HEATR5A: variants seen among roughly 807,000 people sequenced by gnomAD.
HEATR5A encodes the protein HEAT repeat containing 5A, also known as HEAT repeat-containing protein 5A.
Under a neutral mutation model 218.8 loss-of-function variants are expected in HEATR5A, and 178 were observed. The ratio of observed to expected loss-of-function variants is 0.81; its 90% CI spans 0.72 to 0.92. The LOEUF is 0.92. HEATR5A is among the 40% of genes least tolerant of loss of function. The pLI, the probability that HEATR5A is intolerant of heterozygous loss-of-function variation, is 0.00. For missense variants in HEATR5A, 2,420 were observed against 2,418.9 expected (o/e 1.00, Z -0.01); for synonymous variants, 864 against 871.6 (o/e 0.99, Z 0.15).
At chr14:31,339,629 G>A (rs1339840012) in intron 21 of HEATR5A, among the ~76,000 whole-genome samples, 7 of 151,946 alleles carry the variant, frequency 4.6e-5, no homozygotes, top group Non-Finnish European at 1.0e-4. Context: ...TGTTACCCAG[G>A]ATAGAGTGCT....
At position 31,294,109 on chromosome 14, in the gene HEATR5A, T is replaced by C; in HGVS notation, c.5620-5A>G. The C allele has an allele frequency of 6.4e-7, 1 of 1,550,598 alleles. No individual in the cohort carries two copies. The highest frequency in any genetic ancestry group is 8.8e-7 in the Non-Finnish European group (1 of 1,138,612). Reference sequence around the variant, plus strand: ...CTGGTAGGTCTTGATTTGTACCTAATAAGGTAAGAGAAAAGAATAGCAAAT... The same window carrying C: ...CTGGTAGGTCTTGATTTGTACCTAACAAGGTAAGAGAAAAGAATAGCAAAT... On this transcript the variant is annotated splice_polypyrimidine_tract_variant and splice_region_variant and intron_variant, in intron 34 of 35. Transcript: ENST00000543095.
intron 32 of HEATR5A, 94 bp from the exon 33 acceptor site, chr14:31,302,613 T>A: frequency 1.2e-6 from 1 of 818,896 alleles, no homozygotes. Flanking sequence ...ATGTCAGATT[T>A]TCAGTTTTTA....
At position 31,386,442 on chromosome 14, in the gene HEATR5A, A is replaced by C. The variant is rs760449411; in HGVS notation, c.1323T>G (p.Pro441=). The stretch of plus-strand genomic sequence containing the variant: ...TACCTGTACTTGAATCCTGTAGCAA[A>C]GGTGCCGCTGTGGTGCCAAGATTGT... ...LIHNLGTTAA[P]LLQDSSTGLL... Residue 441 remains proline, a synonymous_variant, in exon 9 of 36, where the codon CCT becomes CCG. Coordinates refer to ENST00000543095, the MANE Select transcript of HEATR5A (RefSeq NM_015473.4). 1 of 1,613,842 alleles carries C rather than the reference A, an allele frequency of 6.2e-7. No individual in the cohort carries two copies. The highest frequency in any genetic ancestry group is 2.2e-5 in the East Asian group (1 of 44,868).
intron 23 of HEATR5A, among the ~76,000 whole-genome samples, chr14:31,325,365 T>G (rs1177154139): frequency 6.6e-6 from 1 of 152,172 alleles, no homozygotes; most frequent in Admixed American, 6.6e-5. Context: ...TACTTGAAAT[T>G]AACATTATTG....
chr14:31,395,111 C>A, intron 5 of HEATR5A, 88 bp downstream of exon 5: 1 of 828,372 alleles, frequency 1.2e-6, no homozygotes, highest in South Asian at 2.7e-5. Flanking sequence ...CTACCAAGAT[C>A]ATGTAGCTTT....
intron 1 of HEATR5A, among the ~76,000 whole-genome samples, chr14:31,408,640 G>A (rs375561258): frequency 1.5e-4 from 23 of 152,010 alleles, no homozygotes; most frequent in East Asian, 1.4e-3. Flanking sequence ...GTCTTCAAAT[G>A]TCAGACATAG....
At chr14:31,321,404 A>C in intron 25 of HEATR5A, 95 bp downstream of exon 25, 1 of 961,798 alleles carries the variant, frequency 1.0e-6, no homozygotes, top group Non-Finnish European at 1.5e-6. Flanking sequence ...GGCCTCCCGA[A>C]GTGCTGGGAT....
intron 16 of HEATR5A, among the ~76,000 whole-genome samples, chr14:31,353,478 G>A (rs979968778): frequency 2.6e-5 from 4 of 152,118 alleles, no homozygotes; most frequent in Admixed American, 1.3e-4. Context: ...GCTCACGCCT[G>A]TAATTCTAGC....
At chr14:31,376,199 G>C (rs562097634) in intron 11 of HEATR5A, among the ~76,000 whole-genome samples, 52 of 152,120 alleles carry the variant, frequency 3.4e-4, no homozygotes, top group Non-Finnish European at 6.3e-4. Flanking sequence ...CAGTTTCTGA[G>C]GCGTATATGA....
intron 20 of HEATR5A, among the ~76,000 whole-genome samples, 200 bp from the exon 21 acceptor site, chr14:31,344,265 A>ATTTTTTTTTTTTTTTTTT (rs1245011736): frequency 3.6e-5 from 2 of 54,918 alleles, no homozygotes; most frequent in Non-Finnish European, 9.3e-5. Flanking sequence ...TAGATTAGTT[A>ATTTTTTTTTTTTTTTTTT]TTCTTTTTTT....
In HEATR5A at chr14:31,308,991, C is replaced by T; in HGVS notation, c.4633G>A (p.Gly1545Arg). ...PTSMCQGSSS[G>R]ATIKSPEDVY... The stretch of plus-strand genomic sequence containing the variant: ...TCCTCAGGGGACTTTATGGTAGCCC[C>T]AGATGATGAACCCTGACACATGGAA... Residue 1545 changes from glycine to arginine, a missense_variant, in exon 29 of 36, where the codon GGG becomes AGG. Gly to Arg is a moderately radical substitution (Grantham distance 125). Transcript: ENST00000543095. 1.2e-6 allele frequency: 2 copies of T among 1,613,752 alleles called. No individual in the cohort carries two copies. The highest frequency in any genetic ancestry group is 1.3e-5 in the African/African-American group (1 of 74,982).
At chr14:31,415,028 C>A (rs1266610022) in intron 1 of HEATR5A, among the ~76,000 whole-genome samples, 3 of 152,158 alleles carry the variant, frequency 2.0e-5, no homozygotes, top group Admixed American at 1.3e-4. Context: ...TTAGTAGAGA[C>A]AGGGTTTCAC....
intron 1 of HEATR5A, among the ~76,000 whole-genome samples, chr14:31,408,874 G>A (rs1048802905): frequency 7.1e-6 from 1 of 140,054 alleles, no homozygotes; most frequent in East Asian, 2.1e-4. Flanking sequence ...GGCGGATCAC[G>A]AGGTCAGGAG....
chr14:31,306,481 C>T (rs35952505), intron 31 of HEATR5A, among the ~76,000 whole-genome samples: 44,221 of 151,312 alleles, frequency 0.29, 7,762 homozygotes, highest in Non-Finnish European at 0.4. Context: ...GAGACCTTGT[C>T]TCACTAAATA....
intron 17 of HEATR5A, among the ~76,000 whole-genome samples, chr14:31,350,225 G>A (rs1901172844): frequency 6.6e-6 from 1 of 152,064 alleles, no homozygotes; most frequent in African/African-American, 2.4e-5. Context: ...GGTATAAATG[G>A]TTTGAAAGAA....
chr14:31,300,233 T>C (rs1899325705), intron 33 of HEATR5A, among the ~76,000 whole-genome samples: 2 of 152,256 alleles, frequency 1.3e-5, no homozygotes, highest in Non-Finnish European at 2.9e-5. Flanking sequence ...TCCCTAGCTA[T>C]TTAATTCTCC....
chr14:31,410,864 A>C (rs1253349042), intron 1 of HEATR5A, among the ~76,000 whole-genome samples: 5 of 152,204 alleles, frequency 3.3e-5, no homozygotes. Context: ...ATGAAATTCA[A>C]ACTTAGGATA....
At chr14:31,399,531 T>C (rs1346856801) in intron 3 of HEATR5A, among the ~76,000 whole-genome samples, 1 of 152,190 alleles carries the variant, frequency 6.6e-6, no homozygotes, top group Non-Finnish European at 1.5e-5. Flanking sequence ...AAAAACTTTA[T>C]AGAATTATGA....
chr14:31,358,392 C>T (rs1901499256), intron 16 of HEATR5A, among the ~76,000 whole-genome samples: 1 of 152,116 alleles, frequency 6.6e-6, no homozygotes, highest in Admixed American at 6.5e-5. Context: ...CATTATTTTT[C>T]ATTTGTATTT....
Sources: gnomAD v4.1 joint callset for allele counts (sites outside exome capture counted in the v4.1 genomes callset) on GRCh38, gnomAD v4.1.1 for gene constraint, MANE v1.5 for transcripts, NCBI Gene and HGNC (gene_info 2026-07-23, HGNC 2026-07-21) for gene names.